The following IMMP2L variants were observed in gnomAD, a reference collection of about 807,000 sequenced individuals.
The protein encoded by IMMP2L is mitochondrial inner membrane protease subunit 2.
IMMP2L carries 18 observed loss-of-function variants against 19.3 expected under a neutral mutation model. That is an observed-to-expected ratio of 0.93 (90% CI 0.64 to 1.38). IMMP2L has a LOEUF of 1.38. Ranked by LOEUF, IMMP2L falls within the 40% of genes most tolerant of loss-of-function variation. The pLI, the probability that IMMP2L is intolerant of heterozygous loss-of-function variation, is 0.00. For synonymous variants in IMMP2L, 76 were observed against 73.0 expected (o/e 1.04, Z -0.21); for missense variants, 233 against 218.2 (o/e 1.07, Z -0.43).
intron 3 of IMMP2L, among the ~76,000 whole-genome samples, chr7:111,105,039 A>G (rs973535132): frequency 9.9e-5 from 15 of 151,890 alleles, no homozygotes; most frequent in Non-Finnish European, 1.9e-4. Context: ...GCATGACCAT[A>G]GAATTCCAGA....
chr7:111,040,116 C>T (rs960520961), intron 3 of IMMP2L, among the ~76,000 whole-genome samples: 4 of 152,190 alleles, frequency 2.6e-5, no homozygotes, highest in South Asian at 2.1e-4. Flanking sequence ...ATGCAGTGAG[C>T]GGAGATTGCG....
chr7:111,127,411 T>C (rs1390512674), intron 3 of IMMP2L, among the ~76,000 whole-genome samples: 3 of 152,240 alleles, frequency 2.0e-5, no homozygotes, highest in Non-Finnish European at 4.4e-5. Context: ...TTAATCTACA[T>C]ATTTCTTTTA....
chr7:110,941,760 T>C (rs1485543855), intron 4 of IMMP2L, among the ~76,000 whole-genome samples: 2 of 152,164 alleles, frequency 1.3e-5, no homozygotes, highest in African/African-American at 4.8e-5. Context: ...TCAGAGTCCA[T>C]GCACAGAAGA....
chr7:110,902,264 T>C (rs1811951711), intron 4 of IMMP2L, among the ~76,000 whole-genome samples: 1 of 151,732 alleles, frequency 6.6e-6, no homozygotes, highest in African/African-American at 2.4e-5. Context: ...ATAATGATAT[T>C]AACAGCCTAC....
intron 3 of IMMP2L, among the ~76,000 whole-genome samples, chr7:111,298,650 G>C (rs1821880303): frequency 6.6e-6 from 1 of 151,738 alleles, no homozygotes; most frequent in Non-Finnish European, 1.5e-5. Flanking sequence ...CAGGTACTCA[G>C]GAGGCTGAGA....
At chr7:111,083,728 G>C (rs1796076975) in intron 3 of IMMP2L, among the ~76,000 whole-genome samples, 1 of 152,126 alleles carries the variant, frequency 6.6e-6, no homozygotes, top group Admixed American at 6.5e-5. Flanking sequence ...TGTGTGCAGG[G>C]TCTACCAAGT....
intron 3 of IMMP2L, among the ~76,000 whole-genome samples, chr7:111,035,494 GAT>G (rs1791248475): frequency 6.6e-6 from 1 of 152,144 alleles, no homozygotes; most frequent in East Asian, 1.9e-4. Context: ...AATAAATAGT[GAT>G]TGCTTCTACA....
intron 3 of IMMP2L, among the ~76,000 whole-genome samples, chr7:111,155,385 G>C (rs57223718): frequency 0.052 from 7,955 of 152,122 alleles, 382 homozygotes; most frequent in African/African-American, 0.12. Context: ...CTAGGAAAGA[G>C]AGAAACGAAG....
chr7:110,928,008 T>C (rs1815051037), intron 4 of IMMP2L, among the ~76,000 whole-genome samples: 1 of 151,992 alleles, frequency 6.6e-6, no homozygotes, highest in Non-Finnish European at 1.5e-5. Context: ...TATTTTTGTA[T>C]ACTATCTCAA....
At chr7:111,541,873 T>C (rs967173454) in intron 1 of IMMP2L, among the ~76,000 whole-genome samples, 2 of 152,054 alleles carry the variant, frequency 1.3e-5, no homozygotes, top group Non-Finnish European at 2.9e-5. Context: ...CCAACTGTTA[T>C]CCAAGTAATT....
intron 1 of IMMP2L, among the ~76,000 whole-genome samples, chr7:111,524,379 G>A (rs1406918638): frequency 6.6e-6 from 1 of 151,968 alleles, no homozygotes; most frequent in Non-Finnish European, 1.5e-5. Context: ...GAAAGGAAAC[G>A]GCTCAACAGT....
intron 3 of IMMP2L, among the ~76,000 whole-genome samples, chr7:111,243,622 T>C (rs1158585874): frequency 7.2e-5 from 9 of 124,780 alleles, no homozygotes; most frequent in South Asian, 3.0e-4. Context: ...CCCACTAATG[T>C]GTCATCTAGC....
intron 3 of IMMP2L, among the ~76,000 whole-genome samples, chr7:111,118,100 A>C (rs1357553775): frequency 6.6e-6 from 1 of 152,126 alleles, no homozygotes; most frequent in East Asian, 1.9e-4. Flanking sequence ...TCCTTTGTGC[A>C]TCCACAGAGC....
At chr7:111,558,317 T>C (rs1327806011) in intron 1 of IMMP2L, among the ~76,000 whole-genome samples, 6 of 152,132 alleles carry the variant, frequency 3.9e-5, no homozygotes, top group African/African-American at 1.2e-4. Context: ...TCCCCTCCAA[T>C]GGAGCCACAG....
intron 3 of IMMP2L, among the ~76,000 whole-genome samples, chr7:111,048,266 GAAAAAAA>G (rs1792642661): frequency 9.0e-6 from 1 of 110,770 alleles, no homozygotes; most frequent in Non-Finnish European, 1.8e-5. Flanking sequence ...AAAAAAAAAA[GAAAAAAA>G]GAAAAAAGAA....
chr7:110,799,074 G>GA (rs1801066084), intron 5 of IMMP2L, among the ~76,000 whole-genome samples: 1 of 151,834 alleles, frequency 6.6e-6, no homozygotes, highest in African/African-American at 2.4e-5. Context: ...AATAAATTTT[G>GA]AAAAAAATGT....
intron 5 of IMMP2L, among the ~76,000 whole-genome samples, chr7:110,715,972 T>G (rs750714497): frequency 1.3e-5 from 2 of 152,162 alleles, no homozygotes; most frequent in Non-Finnish European, 1.5e-5. Context: ...TTTAGGATAG[T>G]GAAGTCTTCT....
chr7:111,043,803 T>C (rs990383088), intron 3 of IMMP2L, among the ~76,000 whole-genome samples: 2 of 152,272 alleles, frequency 1.3e-5, no homozygotes, highest in East Asian at 1.9e-4. Flanking sequence ...GACAATGCTT[T>C]TAATTACTAA....
intron 3 of IMMP2L, among the ~76,000 whole-genome samples, chr7:111,444,532 C>T (rs1409891281): frequency 6.6e-6 from 1 of 152,126 alleles, no homozygotes; most frequent in African/African-American, 2.4e-5. Context: ...CAGCGTCTAG[C>T]ATTGTTAAGT....
Sources: allele counts gnomAD v4.1 joint callset (sites outside exome capture counted in the v4.1 genomes callset), GRCh38; gene constraint gnomAD v4.1.1; transcripts MANE v1.5; gene names NCBI Gene and HGNC (gene_info 2026-07-23, HGNC 2026-07-21).